The following PJVK variants were observed in gnomAD, a reference collection of about 807,000 sequenced individuals.
The protein encoded by PJVK is autosomal recessive deafness type 59 protein.
PJVK carries 33 observed loss-of-function variants against 37.6 expected under a neutral mutation model. The ratio of observed to expected loss-of-function variants is 0.88; its 90% CI spans 0.67 to 1.17. The LOEUF (loss-of-function observed/expected upper bound fraction) is 1.17. PJVK is among the 50% of genes most tolerant of loss of function. PJVK has a pLI of 0.00. For missense variants in PJVK, 410 were observed against 413.8 expected (o/e 0.99, Z 0.08); for synonymous variants, 141 against 143.5 (o/e 0.98, Z 0.13).
At chr2:178,458,999 G>C (rs1454224730) in intron 5 of PJVK, among the ~76,000 whole-genome samples, 1 of 152,184 alleles carries the variant, frequency 6.6e-6, no homozygotes, top group Non-Finnish European at 1.5e-5. Flanking sequence ...ATAGTAGGAT[G>C]CCTGAAGTGT....
At chr2:178,454,816 A>T (rs1683918970) in intron 3 of PJVK, 1 of 1,385,834 alleles carries the variant, frequency 7.2e-7, no homozygotes, top group Admixed American at 1.7e-5. Context: ...GAGAATCATG[A>T]GGCCCAGATC....
At chr2:178,460,486 T>A (rs763727578) in intron 6 of PJVK, 40 bp downstream of exon 6, 16 of 1,546,246 alleles carry the variant, frequency 1.0e-5, no homozygotes, top group Non-Finnish European at 1.4e-5. Flanking sequence ...CTTTTTTTTT[T>A]CTTTCCTGGC....
At chr2:178,453,689 T>C in intron 2 of PJVK, 69 bp downstream of exon 2, 1 of 1,244,200 alleles carries the variant, frequency 8.0e-7, no homozygotes. Flanking sequence ...ATAGGTCATA[T>C]ATGCTACTTA....
At chr2:178,454,806 G>C in intron 3 of PJVK, 1 of 1,431,012 alleles carries the variant, frequency 7.0e-7, no homozygotes, top group Non-Finnish European at 9.8e-7. Context: ...ATAGGATGCA[G>C]AGAATCATGA....
intron 2 of PJVK, 130 bp downstream of exon 2, chr2:178,453,750 A>AATC: frequency 3.9e-6 from 3 of 760,110 alleles, no homozygotes; most frequent in Non-Finnish European, 6.8e-6. Context: ...TTATGATGTT[A>AATC]GTGTAATAAC....
rs1389467563 is a variant in PJVK at position 178,453,425 on chromosome 2, A to C, written c.16A>C (p.Thr6Pro). Residue 6 changes from threonine (T) to proline (P), a missense_variant, in exon 2 of 7, where the codon ACC (threonine) becomes CCC (proline). Physicochemically the swap from Thr to Pro is conservative, Grantham distance 38. Transcript: ENST00000644580. ...TGATTTTAATATGTTTGCTGCTGCT[A>C]CCAAGAGCTTTGTCAAGCAAGTTGG... MFAAA[T>P]KSFVKQVGDG... 1.9e-6 allele frequency: 3 copies of C among 1,614,030 alleles called. No homozygotes were observed. The highest frequency in any genetic ancestry group is 2.5e-6 in the Non-Finnish European group (3 of 1,180,004).
At chr2:178,454,092 C>A (rs994762040) in intron 2 of PJVK, 4 of 408,992 alleles carry the variant, frequency 9.8e-6, no homozygotes, top group Non-Finnish European at 1.8e-5. Context: ...CCCGGTGGAT[C>A]TTGATGCTTA....
chr2:178,453,260 C>A, intron 1 of PJVK, 128 bp from the exon 2 acceptor site: 1 of 759,866 alleles, frequency 1.3e-6, no homozygotes, highest in Non-Finnish European at 2.2e-6. Flanking sequence ...GGGAATTATA[C>A]AGTGGTAAAC....
At chr2:178,452,700 G>C in intron 1 of PJVK, 1 of 918,634 alleles carries the variant, frequency 1.1e-6, no homozygotes, top group South Asian at 5.0e-5. Context: ...CAAAGAGAGA[G>C]AGTCTGTGTG....
In PJVK at chr2:178,461,675, C is replaced by T. The variant is rs1176242922; in HGVS notation, c.*401C>T. On this transcript the variant is annotated 3_prime_UTR_variant, in exon 7 of 7. Coordinates refer to ENST00000644580, the MANE Select transcript of PJVK (RefSeq NM_001042702.5). ...TCTCAGCTCACTGCAACCTCTGCCT[C>T]CTGGGTTCAAGCAATTCTCTGCCTC... 2.7e-5 allele frequency among the ~76,000 whole-genome samples: 4 copies of T among 149,232 alleles called. No homozygotes were observed. The highest frequency in any genetic ancestry group is 5.9e-5 in the Non-Finnish European group (4 of 67,762).
At chr2:178,460,476 C>CTTT in intron 6 of PJVK, 30 bp downstream of exon 6, 1 of 1,436,558 alleles carries the variant, frequency 7.0e-7, no homozygotes, top group Non-Finnish European at 9.6e-7. Flanking sequence ...CTGTGAATGT[C>CTTT]TTTTTTTTTT....
Position 178,454,320 on chromosome 2 carries a change from C to T in PJVK, c.212-12C>T. On this transcript the variant is annotated splice_polypyrimidine_tract_variant and intron_variant, in intron 2 of 6. Transcript: ENST00000644580. ...AAGATGTTTAAAAAATACTGAGTTTCTTCTTATAAAGGTATTTCATCTTAT... is the reference window on the plus strand; with the variant it reads ...AAGATGTTTAAAAAATACTGAGTTTTTTCTTATAAAGGTATTTCATCTTAT... 1 of 1,603,308 alleles carries T rather than the reference C, an allele frequency of 6.2e-7. No individual in the cohort carries two copies. Among genetic ancestry groups the T allele is most frequent in the Non-Finnish European group, 8.5e-7 (1 of 1,172,206 alleles).
chr2:178,460,329 C>T lies in PJVK; in HGVS notation c.668-19C>T, dbSNP rs377222781. ...TGAATTATTCAAGTTATAACATCTTCTAACAATTTTTTTTGTAGACCTTTG... is the reference window on the plus strand; with the variant it reads ...TGAATTATTCAAGTTATAACATCTTTTAACAATTTTTTTTGTAGACCTTTG... On this transcript the variant is annotated intron_variant, in intron 5 of 6. Coordinates refer to ENST00000644580, the MANE Select transcript of PJVK (RefSeq NM_001042702.5). The T allele has an allele frequency of 1.5e-5, 24 of 1,594,858 alleles. No individual in the cohort carries two copies. Among genetic ancestry groups the T allele is most frequent in the Non-Finnish European group, 2.0e-5 (23 of 1,162,756 alleles).
intron 1 of PJVK, 148 bp from the exon 2 acceptor site, chr2:178,453,240 A>G: frequency 1.5e-6 from 1 of 659,094 alleles, no homozygotes; most frequent in Non-Finnish European, 2.7e-6. Context: ...TGAGCACATG[A>G]GCAGAGGCAG....
At chr2:178,453,924 A>G (rs1697882996) in intron 2 of PJVK, 2 of 360,814 alleles carry the variant, frequency 5.5e-6, no homozygotes, top group African/African-American at 2.1e-5. Flanking sequence ...GGGCTTACCT[A>G]TGTTACATGG....
chr2:178,454,679 C>T lies in PJVK; in HGVS notation c.407+152C>T, dbSNP rs956332206. ...GAAATACATTGGTAGTATATCCAAA[C>T]TTTGAATAAGGATAGATATCAAAAA... On this transcript the variant is annotated intron_variant, in intron 3 of 6. Transcript: ENST00000644580. 5 of 1,458,722 alleles carry T rather than the reference C, an allele frequency of 3.4e-6. No homozygotes were observed. In the South Asian group the frequency reaches 3.7e-5, roughly 11 times the overall value. The allele number at this position is 1,458,722 out of a possible 1,614,324, so 90.4% of individuals were successfully genotyped here.
Position 178,456,090 on chromosome 2 carries a change from T to A in PJVK, c.488T>A (p.Ile163Asn), listed in dbSNP as rs1298969392. The A allele has an allele frequency of 1.9e-6, 3 of 1,614,046 alleles. No individual in the cohort carries two copies. The highest frequency in any genetic ancestry group is 1.1e-5 in the South Asian group (1 of 91,084). ...GTATTGTGTGTGGTCATGGAGAGCA[T>A]CCGAACCACACGACAGTGCTCACTG... ...KAVLCVVMES[I>N]RTTRQCSLSV... Residue 163 changes from isoleucine to asparagine, a missense_variant, in exon 4 of 7, where the codon ATC becomes AAC. Physicochemically the swap from Ile to Asn is moderately radical, Grantham distance 149. Transcript: ENST00000644580.
chr2:178,461,646 A>G lies in PJVK; in HGVS notation c.*372A>G, dbSNP rs924095069. On this transcript the variant is annotated 3_prime_UTR_variant, in exon 7 of 7. Transcript: ENST00000644580. ...GTCACCCAGGCTGGAGTACAGTGGCATGATCTCAGCTCACTGCAACCTCTG... is the reference window on the plus strand; with the variant it reads ...GTCACCCAGGCTGGAGTACAGTGGCGTGATCTCAGCTCACTGCAACCTCTG... 1.4e-5 allele frequency among the ~76,000 whole-genome samples: 2 copies of G among 139,720 alleles called. No individual in the cohort carries two copies. Among genetic ancestry groups the G allele is most frequent in the Non-Finnish European group, 3.0e-5 (2 of 66,960 alleles). 91.7% of individuals were successfully genotyped at this position (139,720 alleles called of 152,430 possible).
intron 4 of PJVK, among the ~76,000 whole-genome samples, chr2:178,457,355 C>T (rs1192346076): frequency 1.3e-5 from 2 of 152,130 alleles, no homozygotes; most frequent in Non-Finnish European, 2.9e-5. Context: ...GTGGATCATG[C>T]CTGTAATCCC....
Sources: allele counts gnomAD v4.1 joint callset (sites outside exome capture counted in the v4.1 genomes callset), GRCh38; gene constraint gnomAD v4.1.1; transcripts MANE v1.5; gene names NCBI Gene and HGNC (gene_info 2026-07-23, HGNC 2026-07-21).